Variants in ST3GAL3 observed in about 807,000 individuals in gnomAD.
The protein encoded by ST3GAL3 is CMP-N-acetylneuraminate-beta-1,4-galactoside alpha-2,3-sialyltransferase.
In ST3GAL3, 21 loss-of-function variants were observed where a neutral mutation model predicts 50.1. The ratio of observed to expected loss-of-function variants is 0.42; its 90% CI spans 0.30 to 0.60. The LOEUF (loss-of-function observed/expected upper bound fraction) is 0.60, where lower values mean the gene tolerates loss of function less well. ST3GAL3 is among the 20% of genes least tolerant of loss of function. The pLI is 0.19. For missense variants in ST3GAL3, 353 were observed against 489.4 expected, an observed-to-expected ratio of 0.72 and a Z score of 2.63; for synonymous variants, 183 against 190.0, an observed-to-expected ratio of 0.96 and a Z score of 0.30.
At chr1:43,768,237 C>G (rs1393391105) in intron 2 of ST3GAL3, among the ~76,000 whole-genome samples, 2 of 152,084 alleles carry the variant, frequency 1.3e-5, no homozygotes, top group Non-Finnish European at 2.9e-5. Flanking sequence ...GAGTTTGAGA[C>G]CAGCCTGGAC....
At chr1:43,892,079 G>A (rs2076765473) in intron 5 of ST3GAL3, among the ~76,000 whole-genome samples, 1 of 152,166 alleles carries the variant, frequency 6.6e-6, no homozygotes, top group South Asian at 2.1e-4. Context: ...AAGACGCTGG[G>A]ACTACCAGCG....
chr1:43,856,424 AC>A (rs1347234947), intron 5 of ST3GAL3, among the ~76,000 whole-genome samples: 3 of 152,018 alleles, frequency 2.0e-5, no homozygotes, highest in Non-Finnish European at 4.4e-5. Flanking sequence ...AAACCCACCA[AC>A]CCCACCCTGT....
chr1:43,918,481 G>A (rs2082464590), intron 9 of ST3GAL3, among the ~76,000 whole-genome samples: 1 of 152,120 alleles, frequency 6.6e-6, no homozygotes, highest in East Asian at 1.9e-4. Flanking sequence ...AGGAGAGAAA[G>A]TAAATGGATC....
At chr1:43,864,225 C>T (rs1260633954) in intron 5 of ST3GAL3, among the ~76,000 whole-genome samples, 1 of 152,204 alleles carries the variant, frequency 6.6e-6, no homozygotes, top group Non-Finnish European at 1.5e-5. Flanking sequence ...TTGCAGTGAG[C>T]TGAGCTGGCG....
chr1:43,899,298 C>T lies in ST3GAL3; in HGVS notation c.557+35C>T, dbSNP rs377027478. ...CCAAAATGGCACCTCGGGTGAGTGT[C>T]GTGGCCCCAACCCTTAGTCCTGAGC... On this transcript the variant is annotated intron_variant, in intron 8 of 11. Coordinates refer to ENST00000347631, the MANE Select transcript of ST3GAL3 (RefSeq NM_006279.5). This position sits in a 1 kb window ranked among gnomAD's most constrained non-coding sequence, Gnocchi z 5.4. The T allele has an allele frequency of 1.1e-5, 18 of 1,613,980 alleles. No individual in the cohort carries two copies. The highest frequency in any genetic ancestry group is 3.3e-5 in the South Asian group (3 of 91,064).
chr1:43,920,186 G>GT, intron 9 of ST3GAL3: 1 of 609,474 alleles, frequency 1.6e-6, no homozygotes. Flanking sequence ...TTACACACTG[G>GT]AGCCCCACCA....
intron 9 of ST3GAL3, among the ~76,000 whole-genome samples, chr1:43,917,388 G>T (rs1309260445): frequency 2.3e-5 from 3 of 132,848 alleles, no homozygotes; most frequent in Non-Finnish European, 4.6e-5. Context: ...CTTACTATTT[G>T]TGACAAAATT....
intron 9 of ST3GAL3, among the ~76,000 whole-genome samples, chr1:43,910,071 T>C (rs1319785486): frequency 1.3e-5 from 2 of 152,226 alleles, no homozygotes; most frequent in African/African-American, 4.8e-5. Context: ...AAATGGAACT[T>C]GGTACCGAGA....
At chr1:43,738,864 G>C (rs1002266442) in intron 2 of ST3GAL3, 1 of 152,106 alleles carries the variant, frequency 6.6e-6, no homozygotes, top group Non-Finnish European at 1.5e-5. Flanking sequence ...GTTATGTTGT[G>C]AAATTTAGGC....
chr1:43,911,825 G>C (rs888830925), intron 9 of ST3GAL3: 9 of 151,738 alleles, frequency 5.9e-5, no homozygotes, highest in Admixed American at 5.3e-4. Context: ...GTAGCTGGGG[G>C]CTACAGGTGC....
chr1:43,828,864 A>G (rs2154190039), intron 4 of ST3GAL3, among the ~76,000 whole-genome samples: 1 of 152,344 alleles, frequency 6.6e-6, no homozygotes, highest in South Asian at 2.1e-4. Context: ...ACAGTTTGGC[A>G]GCAGCTTACA....
intron 9 of ST3GAL3, among the ~76,000 whole-genome samples, chr1:43,915,934 C>A (rs1227368207): frequency 6.6e-6 from 1 of 152,168 alleles, no homozygotes; most frequent in African/African-American, 2.4e-5. Flanking sequence ...GCCTGGCCAA[C>A]ATGGTGAAAC....
rs192835869 is a variant in ST3GAL3, at chr1:43,788,450, A to G, written c.119-3652A>G. Among the ~76,000 whole-genome samples, 5 of 152,272 alleles carry G rather than the reference A, an allele frequency of 3.3e-5. No homozygotes were observed. In the South Asian group the frequency reaches 8.3e-4, roughly 25 times the overall value. Reference sequence around the variant, plus strand: ...ATCTCTCGCCTGGAAAACTCTTAGGATGCTTTTCTTATTCCTCCTCTGCGG... The same window carrying G: ...ATCTCTCGCCTGGAAAACTCTTAGGGTGCTTTTCTTATTCCTCCTCTGCGG... On this transcript the variant is annotated intron_variant, in intron 2 of 11. Transcript: ENST00000347631.
At chr1:43,834,746 C>T (rs944568397) in intron 4 of ST3GAL3, among the ~76,000 whole-genome samples, 4 of 152,158 alleles carry the variant, frequency 2.6e-5, no homozygotes, top group Non-Finnish European at 5.9e-5. Flanking sequence ...GGCAGCCACG[C>T]GTGTCACACA....
At chr1:43,710,442 C>T (rs1664120419) in intron 1 of ST3GAL3, among the ~76,000 whole-genome samples, 2 of 152,212 alleles carry the variant, frequency 1.3e-5, no homozygotes, top group Admixed American at 1.3e-4. Flanking sequence ...TTGGACCATT[C>T]CTGTGAATTA....
intron 5 of ST3GAL3, chr1:43,850,592 G>A: frequency 1.3e-6 from 1 of 756,358 alleles, no homozygotes; most frequent in Non-Finnish European, 2.4e-6. Flanking sequence ...AGGTGTTCTT[G>A]TTGCAGGCAA....
intron 2 of ST3GAL3, among the ~76,000 whole-genome samples, chr1:43,772,987 T>A (rs1695872020): frequency 6.6e-6 from 1 of 152,208 alleles, no homozygotes; most frequent in Admixed American, 6.5e-5. Flanking sequence ...GACCTTGTGA[T>A]CTGCCCGCCT....
intron 4 of ST3GAL3, chr1:43,824,967 C>T (rs1250418401): frequency 4.2e-6 from 3 of 714,266 alleles, no homozygotes; most frequent in South Asian, 3.0e-5. Flanking sequence ...AGGAAGTCTC[C>T]ACTTCCCCAG....
In ST3GAL3 at chr1:43,707,662, G is replaced by A. The variant is rs1661972041; in HGVS notation, c.-62G>A. The A allele has an allele frequency of 1.3e-5, 2 of 152,306 alleles. No individual in the cohort carries two copies. Among genetic ancestry groups the A allele is most frequent in the Admixed American group, 6.6e-5 (1 of 15,226 alleles). 9.4% of individuals were successfully genotyped at this position (152,306 alleles called of 1,614,324 possible). A position where few individuals can be genotyped will look rare whatever the true frequency, so the allele number is the denominator to read the frequency against. ...CTTCCTGCCCCGCGTCGGGCCGGGC[G>A]CCACCTCCCCCCTGCCTCCCTCTCC... On this transcript the variant is annotated 5_prime_UTR_variant, in exon 1 of 12. Transcript: ENST00000347631.
Sources: gnomAD v4.1 joint callset for allele counts (sites outside exome capture counted in the v4.1 genomes callset) on GRCh38, gnomAD v4.1.1 for gene constraint, Gnocchi (gnomAD v3.1) non-coding constraint, MANE v1.5 for transcripts, NCBI Gene and HGNC (gene_info 2026-07-23, HGNC 2026-07-21) for gene names.